CSMD1: variants seen among roughly 807,000 people sequenced by gnomAD.
CSMD1 encodes CUB and sushi domain-containing protein 1.
CSMD1 carries 213 observed loss-of-function variants against 417.5 expected under a neutral mutation model. That is an observed-to-expected ratio of 0.51 (90% CI 0.46 to 0.57). The LOEUF (loss-of-function observed/expected upper bound fraction) is 0.57. Among genes scored for constraint, CSMD1 ranks in the 20% least tolerant of loss-of-function variants. CSMD1 has a pLI of 0.00. For missense variants in CSMD1, 6,923 were observed against 4,529.7 expected (o/e 1.53, Z -15.17); for synonymous variants, 2,862 against 1,736.8 (o/e 1.65, Z -16.11).
chr8:3,237,783 T>TATAAA (rs2116948533), intron 26 of CSMD1, among the ~76,000 whole-genome samples: 2 of 113,218 alleles, frequency 1.8e-5, no homozygotes, highest in African/African-American at 6.8e-5. Flanking sequence ...ATAATTATAC[T>TATAAA]TATACTACAA....
At chr8:4,774,146 G>A (rs946800474) in intron 1 of CSMD1, among the ~76,000 whole-genome samples, 1 of 152,196 alleles carries the variant, frequency 6.6e-6, no homozygotes, top group Non-Finnish European at 1.5e-5. Flanking sequence ...GTGGCAGTGA[G>A]CCAATATCGT....
intron 7 of CSMD1, among the ~76,000 whole-genome samples, chr8:3,638,413 T>C (rs935049127): frequency 1.3e-5 from 2 of 151,790 alleles, no homozygotes; most frequent in African/African-American, 2.4e-5. Flanking sequence ...AGAAAGGTCC[T>C]AGTTTTGCCC....
intron 3 of CSMD1, among the ~76,000 whole-genome samples, chr8:4,297,345 A>G (rs1297934555): frequency 1.3e-5 from 2 of 152,138 alleles, no homozygotes; most frequent in African/African-American, 4.8e-5. Flanking sequence ...TAAAAAAACA[A>G]AACAAAACAA....
intron 2 of CSMD1, among the ~76,000 whole-genome samples, chr8:4,531,766 T>G (rs1341433766): frequency 2.0e-5 from 3 of 152,242 alleles, no homozygotes; most frequent in African/African-American, 2.4e-5. Flanking sequence ...GTATACAATC[T>G]GGTGCTTTTT....
At chr8:3,397,508 G>C (rs1484891806) in intron 16 of CSMD1, among the ~76,000 whole-genome samples, 1 of 152,148 alleles carries the variant, frequency 6.6e-6, no homozygotes, top group Non-Finnish European at 1.5e-5. Context: ...AGAGGAATTT[G>C]AACCATTTGT....
At chr8:4,192,915 C>G (rs1254325618) in intron 3 of CSMD1, among the ~76,000 whole-genome samples, 1 of 152,180 alleles carries the variant, frequency 6.6e-6, no homozygotes, top group Non-Finnish European at 1.5e-5. Flanking sequence ...GACATACTCA[C>G]TTTACCTAAG....
intron 3 of CSMD1, among the ~76,000 whole-genome samples, chr8:4,158,748 C>A (rs1160252091): frequency 2.6e-5 from 4 of 152,102 alleles, no homozygotes; most frequent in Admixed American, 1.3e-4. Flanking sequence ...CCACCATCAT[C>A]GTCACTTGAT....
intron 3 of CSMD1, among the ~76,000 whole-genome samples, chr8:4,160,013 A>C (rs949482808): frequency 1.3e-5 from 2 of 152,060 alleles, no homozygotes; most frequent in African/African-American, 4.8e-5. Flanking sequence ...TGATGGGTGC[A>C]CCAAAATTTC....
intron 1 of CSMD1, among the ~76,000 whole-genome samples, chr8:4,699,415 G>A (rs1433724533): frequency 1.3e-5 from 2 of 152,050 alleles, no homozygotes; most frequent in African/African-American, 4.8e-5. Flanking sequence ...ATCTTTTAAT[G>A]CCTGTTCTAT....
chr8:4,312,268 C>G (rs1400554625), intron 3 of CSMD1, among the ~76,000 whole-genome samples: 1 of 151,500 alleles, frequency 6.6e-6, no homozygotes, highest in Non-Finnish European at 1.5e-5. Context: ...TATTGGCAAA[C>G]TTTAGCATTG....
At chr8:3,269,412 C>G (rs940448245) in intron 26 of CSMD1, among the ~76,000 whole-genome samples, 3 of 152,228 alleles carry the variant, frequency 2.0e-5, no homozygotes, top group Non-Finnish European at 2.9e-5. Flanking sequence ...CTGGTTTTCT[C>G]CCATAAAACA....
intron 1 of CSMD1, among the ~76,000 whole-genome samples, chr8:4,841,930 A>AAACAAAAAAAAAAACAAAAC (rs1800864428): frequency 2.5e-5 from 3 of 122,426 alleles, no homozygotes; most frequent in East Asian, 2.8e-4. Flanking sequence ...AAAAAAAAAA[A>AAACAAAAAAAAAAACAAAAC]AAAAAAAAGT....
chr8:4,304,631 C>T (rs1798148455), intron 3 of CSMD1, among the ~76,000 whole-genome samples: 1 of 152,070 alleles, frequency 6.6e-6, no homozygotes, highest in Non-Finnish European at 1.5e-5. Context: ...GATCAGATTC[C>T]CCTCACTGCT....
At chr8:4,118,680 G>C (rs1183430763) in intron 3 of CSMD1, among the ~76,000 whole-genome samples, 2 of 152,200 alleles carry the variant, frequency 1.3e-5, no homozygotes, top group African/African-American at 4.8e-5. Flanking sequence ...GGAAGACAGT[G>C]TGGTGATTGC....
At chr8:4,843,583 G>C (rs994505305) in intron 1 of CSMD1, among the ~76,000 whole-genome samples, 1 of 152,126 alleles carries the variant, frequency 6.6e-6, no homozygotes, top group Non-Finnish European at 1.5e-5. Flanking sequence ...CCAATTCCAG[G>C]AGACATTTCC....
chr8:3,615,494 C>G (rs79305684), intron 8 of CSMD1, among the ~76,000 whole-genome samples: 3,819 of 152,248 alleles, frequency 0.025, 68 homozygotes, highest in Middle Eastern at 0.075. Flanking sequence ...ATATATTAGT[C>G]AAGATGTGTA....
At chr8:4,072,462 A>G (rs1056764351) in intron 3 of CSMD1, among the ~76,000 whole-genome samples, 30 of 152,148 alleles carry the variant, frequency 2.0e-4, no homozygotes, top group Admixed American at 2.0e-3. Context: ...AGACTTTATT[A>G]TTTCGCACTT....
At chr8:4,910,546 G>A (rs528145760) in intron 1 of CSMD1, among the ~76,000 whole-genome samples, 2 of 152,076 alleles carry the variant, frequency 1.3e-5, no homozygotes, top group Non-Finnish European at 2.9e-5. Flanking sequence ...AATCTCTGAA[G>A]CTTTTTTATA....
At chr8:3,558,062 T>C (rs542540559) in intron 10 of CSMD1, among the ~76,000 whole-genome samples, 7 of 148,352 alleles carry the variant, frequency 4.7e-5, no homozygotes, top group Middle Eastern at 3.5e-3. Context: ...CCTCTGATGA[T>C]GAATAGTGCC....
Sources: allele counts gnomAD v4.1 joint callset (sites outside exome capture counted in the v4.1 genomes callset), GRCh38; gene constraint gnomAD v4.1.1; transcripts MANE v1.5; gene names NCBI Gene and HGNC (gene_info 2026-07-23, HGNC 2026-07-21).